NXPE2: variants seen among roughly 807,000 people sequenced by gnomAD.
NXPE2 encodes the protein neurexophilin and PC-esterase domain family member 2, also known as NXPE family member 2.
A neutral mutation model predicts 34.4 loss-of-function variants in NXPE2; 34 were observed. The observed-to-expected ratio is 0.99, with a 90% CI of 0.75 to 1.31. NXPE2 has a LOEUF of 1.31. Ranked by LOEUF, NXPE2 falls within the 40% of genes most tolerant of loss-of-function variation. NXPE2 has a pLI of 0.00. For synonymous variants in NXPE2, 235 were observed against 231.3 expected (o/e 1.02, Z -0.15); for missense variants, 649 against 672.5 (o/e 0.97, Z 0.39).
upstream of NXPE2, among the ~76,000 whole-genome samples, chr11:114,673,553 A>G (rs1232399931): frequency 6.6e-6 from 1 of 151,754 alleles, no homozygotes; most frequent in Non-Finnish European, 1.5e-5. Context: ...TCAAAAGACC[A>G]ATAAAATTGA....
chr11:114,467,473 A>G, the NXPE2 span, among the ~76,000 whole-genome samples: 9 of 152,174 alleles, frequency 5.9e-5, no homozygotes, highest in Admixed American at 5.2e-4. Flanking sequence ...ACTTCCACAC[A>G]TTCCCCAAAC....
the NXPE2 span, among the ~76,000 whole-genome samples, chr11:114,642,731 C>CA: frequency 1.3e-5 from 2 of 151,994 alleles, no homozygotes; most frequent in Admixed American, 1.3e-4. Flanking sequence ...CATATGTGTG[C>CA]ATGTGTCTTT....
At chr11:114,665,215 A>T in the NXPE2 span, among the ~76,000 whole-genome samples, 1 of 152,178 alleles carries the variant, frequency 6.6e-6, no homozygotes, top group Non-Finnish European at 1.5e-5. Flanking sequence ...TCTATTTAAG[A>T]TAAATTCAAA....
chr11:114,637,898 T>G, the NXPE2 span, among the ~76,000 whole-genome samples: 1 of 151,964 alleles, frequency 6.6e-6, no homozygotes. Context: ...CCCTTAACAT[T>G]TTTTCCTTCC....
At chr11:114,696,624 G>A (rs1951263718) in intron 2 of NXPE2, among the ~76,000 whole-genome samples, 1 of 152,070 alleles carries the variant, frequency 6.6e-6, no homozygotes, top group Non-Finnish European at 1.5e-5. Context: ...TCTAATAGCA[G>A]AGCTACAAAA....
At chr11:114,758,473 C>T in the NXPE2 span, among the ~76,000 whole-genome samples, 2 of 152,152 alleles carry the variant, frequency 1.3e-5, no homozygotes, top group African/African-American at 4.8e-5. Flanking sequence ...TGAGTGAACT[C>T]ATTGAGATAT....
chr11:114,733,224 G>A, the NXPE2 span, among the ~76,000 whole-genome samples: 1 of 152,054 alleles, frequency 6.6e-6, no homozygotes, highest in African/African-American at 2.4e-5. Context: ...CTCCTGAGTA[G>A]CTGGGACTAC....
the NXPE2 span, among the ~76,000 whole-genome samples, chr11:114,727,790 C>CACACACACACAT: frequency 3.3e-5 from 5 of 151,136 alleles, no homozygotes; most frequent in Non-Finnish European, 7.4e-5. Context: ...CACACACACA[C>CACACACACACAT]ACACACACAC....
At chr11:114,558,683 G>T in the NXPE2 span, among the ~76,000 whole-genome samples, 1 of 152,108 alleles carries the variant, frequency 6.6e-6, no homozygotes, top group Admixed American at 6.6e-5. Flanking sequence ...GCTGAACTAG[G>T]TCACAATATA....
the NXPE2 span, among the ~76,000 whole-genome samples, chr11:114,482,165 A>G: frequency 6.6e-6 from 1 of 152,178 alleles, no homozygotes. Flanking sequence ...GGATACAGAG[A>G]TGAAAAAAAT....
the NXPE2 span, among the ~76,000 whole-genome samples, chr11:114,567,648 T>C: frequency 1.3e-5 from 2 of 152,080 alleles, no homozygotes; most frequent in Non-Finnish European, 2.9e-5. Flanking sequence ...TACCTCCTCA[T>C]TGGACCCAGA....
chr11:114,603,626 A>T, the NXPE2 span, among the ~76,000 whole-genome samples: 1 of 151,538 alleles, frequency 6.6e-6, no homozygotes, highest in Non-Finnish European at 1.5e-5. Context: ...CTTGTCTCCT[A>T]GGTAACTCCT....
At chr11:114,671,053 A>G in the NXPE2 span, among the ~76,000 whole-genome samples, 1 of 148,064 alleles carries the variant, frequency 6.8e-6, no homozygotes, top group African/African-American at 2.4e-5. Context: ...ATATATAAAA[A>G]TATAAATATA....
chr11:114,627,737 G>A, the NXPE2 span, among the ~76,000 whole-genome samples: 1 of 152,160 alleles, frequency 6.6e-6, no homozygotes, highest in East Asian at 1.9e-4. Context: ...ATTGGTTAAA[G>A]AGTCAAGACC....
chr11:114,516,699 C>T, the NXPE2 span, among the ~76,000 whole-genome samples: 18 of 152,194 alleles, frequency 1.2e-4, no homozygotes, highest in Middle Eastern at 3.4e-3. Flanking sequence ...TAAGAGCACA[C>T]GCAAGGAGAG....
chr11:114,500,184 A>G, the NXPE2 span, among the ~76,000 whole-genome samples: 1 of 152,202 alleles, frequency 6.6e-6, no homozygotes. Flanking sequence ...TCAGAAACTG[A>G]CAAACTGTTT....
chr11:114,625,493 G>C, the NXPE2 span, among the ~76,000 whole-genome samples: 1 of 151,882 alleles, frequency 6.6e-6, no homozygotes, highest in South Asian at 2.1e-4. Context: ...GTATGGCCTC[G>C]TGGGTAACCA....
chr11:114,544,957 A>T, the NXPE2 span, among the ~76,000 whole-genome samples: 8 of 152,182 alleles, frequency 5.3e-5, no homozygotes, highest in Non-Finnish European at 8.8e-5. Context: ...CTAAATATAT[A>T]AAAAAGACAC....
At chr11:114,797,094 G>A in the NXPE2 span, among the ~76,000 whole-genome samples, 1 of 152,324 alleles carries the variant, frequency 6.6e-6, no homozygotes, top group South Asian at 2.1e-4. Flanking sequence ...AAGGTTTCCT[G>A]TAGGAGACTG....
Sources: allele counts gnomAD v4.1 joint callset (sites outside exome capture counted in the v4.1 genomes callset), GRCh38; gene constraint gnomAD v4.1.1; transcripts MANE v1.5; gene names NCBI Gene and HGNC (gene_info 2026-07-23, HGNC 2026-07-21).